SRGAP3: variants seen among roughly 807,000 people sequenced by gnomAD.
SRGAP3 encodes SLIT-ROBO Rho GTPase-activating protein 3.
A neutral mutation model predicts 121.1 loss-of-function variants in SRGAP3; 39 were observed. The observed-to-expected ratio is 0.32, with a 90% CI of 0.25 to 0.42. The LOEUF (loss-of-function observed/expected upper bound fraction) is 0.42. Ranked by LOEUF, SRGAP3 falls within the 10% of genes least tolerant of loss-of-function variation. The pLI, the probability that SRGAP3 is intolerant of heterozygous loss-of-function variation, is 1.00. For missense variants in SRGAP3, 1,213 were observed against 1,470.6 expected (o/e 0.82, Z 2.86); for synonymous variants, 601 against 570.0 (o/e 1.05, Z -0.77).
intron 3 of SRGAP3, among the ~76,000 whole-genome samples, chr3:9,082,848 C>G (rs1183122260): frequency 6.6e-6 from 1 of 152,220 alleles, no homozygotes. Context: ...ACAGCCCTTT[C>G]TCTCAGCTTC....
At chr3:9,099,991 A>G (rs1162865656) in intron 3 of SRGAP3, among the ~76,000 whole-genome samples, 8 of 152,248 alleles carry the variant, frequency 5.3e-5, no homozygotes, top group Admixed American at 2.6e-4. Context: ...GCAGCCACTC[A>G]GCTACCGCTA....
chr3:9,099,473 G>A (rs1230460599), intron 3 of SRGAP3, among the ~76,000 whole-genome samples: 1 of 152,258 alleles, frequency 6.6e-6, no homozygotes, highest in Non-Finnish European at 1.5e-5. Context: ...TTTCAGAAAC[G>A]GTTAGCGGGG....
intron 1 of SRGAP3, among the ~76,000 whole-genome samples, chr3:9,173,415 T>C (rs1253747732): frequency 6.6e-6 from 1 of 152,044 alleles, no homozygotes; most frequent in East Asian, 1.9e-4. Flanking sequence ...TACTAAGATA[T>C]GAAAAGAAGG....
intron 3 of SRGAP3, among the ~76,000 whole-genome samples, chr3:9,099,288 T>G (rs1406786194): frequency 4.7e-5 from 7 of 148,148 alleles, no homozygotes; most frequent in Non-Finnish European, 1.0e-4. Context: ...CAAAGAGTCT[T>G]TCCTCATTAG....
In SRGAP3 at chr3:9,056,242, C is replaced by A; in HGVS notation, c.1116G>T (p.Glu372Asp). The change falls in exon 8 of 22, where the codon GAG becomes GAT. Residue 372 changes from glutamate (E) to aspartate (D), a missense_variant. Physicochemically the swap from Glu to Asp is conservative, Grantham distance 45. Coordinates refer to ENST00000383836, the MANE Select transcript of SRGAP3 (RefSeq NM_014850.4). ...LQSRLATLKI[E>D]NEEVRKTLDA... ...AGAGGGGCTCACTCACCTCCTCATTCTCTATCTTGAGGGTGGCCAGTCTGG... is the reference window on the plus strand; with the variant it reads ...AGAGGGGCTCACTCACCTCCTCATTATCTATCTTGAGGGTGGCCAGTCTGG... 6.2e-7 allele frequency: 1 copy of A among 1,614,086 alleles called. No individual in the cohort carries two copies. The highest frequency in any genetic ancestry group is 1.1e-5 in the South Asian group (1 of 91,078).
intron 21 of SRGAP3, among the ~76,000 whole-genome samples, chr3:8,987,827 CTGCCATG>C (rs1354642312): frequency 1.3e-5 from 2 of 152,176 alleles, no homozygotes; most frequent in East Asian, 3.8e-4. Flanking sequence ...CTCCCCATCT[CTGCCATG>C]TGCCAGCCCT....
chr3:9,007,726 T>C (rs1437949381), intron 18 of SRGAP3: 1 of 152,134 alleles, frequency 6.6e-6, no homozygotes, highest in East Asian at 1.9e-4. Flanking sequence ...GGTGCTGTCA[T>C]TCCCATTTTA....
At chr3:9,083,685 T>A (rs889773751) in intron 3 of SRGAP3, among the ~76,000 whole-genome samples, 2 of 152,354 alleles carry the variant, frequency 1.3e-5, no homozygotes, top group East Asian at 3.9e-4. Flanking sequence ...GCTGTGAACA[T>A]CCTTGTGTGC....
intron 3 of SRGAP3, among the ~76,000 whole-genome samples, chr3:9,324,584 T>C (rs1955486132): frequency 6.6e-6 from 1 of 151,880 alleles, no homozygotes; most frequent in African/African-American, 2.4e-5. Context: ...GACTTCATTT[T>C]AGTTTGGTTT....
chr3:9,105,352 C>T (rs1948380922), intron 2 of SRGAP3, among the ~76,000 whole-genome samples: 1 of 152,170 alleles, frequency 6.6e-6, no homozygotes, highest in Non-Finnish European at 1.5e-5. Flanking sequence ...CTTTGCCCCT[C>T]CACGGAGCTG....
intron 3 of SRGAP3, among the ~76,000 whole-genome samples, chr3:9,082,347 A>G (rs757147036): frequency 6.6e-6 from 1 of 152,174 alleles, no homozygotes; most frequent in Non-Finnish European, 1.5e-5. Context: ...AGAACAGACT[A>G]ATACAATGCC....
At chr3:9,337,589 A>G (rs1955713647) in intron 1 of SRGAP3, 1 of 152,272 alleles carries the variant, frequency 6.6e-6, no homozygotes. Context: ...AGGCTTGCTT[A>G]CCATTCCCCC....
intron 5 of SRGAP3, among the ~76,000 whole-genome samples, chr3:9,064,102 G>A (rs1946306216): frequency 6.6e-6 from 1 of 152,204 alleles, no homozygotes; most frequent in Non-Finnish European, 1.5e-5. Flanking sequence ...CTTGCTGGGT[G>A]TGAATCTCGT....
intron 3 of SRGAP3, among the ~76,000 whole-genome samples, chr3:9,292,123 C>T (rs1442786488): frequency 6.6e-6 from 1 of 152,216 alleles, no homozygotes; most frequent in African/African-American, 2.4e-5. Context: ...GAATCACCTA[C>T]TGTTGCATTC....
intron 1 of SRGAP3, among the ~76,000 whole-genome samples, chr3:9,356,030 C>A (rs1164749171): frequency 6.6e-6 from 1 of 152,106 alleles, no homozygotes; most frequent in African/African-American, 2.4e-5. Context: ...CTAATCACAG[C>A]TTAAAGATCC....
At chr3:9,258,268 G>A (rs1217077168) in intron 3 of SRGAP3, among the ~76,000 whole-genome samples, 1 of 152,172 alleles carries the variant, frequency 6.6e-6, no homozygotes, top group African/African-American at 2.4e-5. Context: ...CAAACAGCTG[G>A]AGAGAACCCA....
intron 3 of SRGAP3, among the ~76,000 whole-genome samples, chr3:9,085,059 CTTGT>C (rs758701225): frequency 4.7e-4 from 72 of 152,268 alleles, no homozygotes; most frequent in Non-Finnish European, 4.3e-4. Flanking sequence ...TGTAAATGAT[CTTGT>C]TTGTTTATTT....
intron 1 of SRGAP3, among the ~76,000 whole-genome samples, chr3:9,347,136 G>A (rs1955905703): frequency 6.6e-6 from 1 of 152,038 alleles, no homozygotes; most frequent in South Asian, 2.1e-4. Context: ...GAGGCTCAAA[G>A]ACTCACTCCC....
chr3:9,250,591 G>A (rs1314188258), upstream of SRGAP3, among the ~76,000 whole-genome samples: 2 of 152,160 alleles, frequency 1.3e-5, no homozygotes, highest in African/African-American at 4.8e-5. Context: ...CTCTTGAAAA[G>A]ATCAAAGAAA....
Sources: allele counts gnomAD v4.1 joint callset (sites outside exome capture counted in the v4.1 genomes callset), GRCh38; gene constraint gnomAD v4.1.1; transcripts MANE v1.5; gene names NCBI Gene and HGNC (gene_info 2026-07-23, HGNC 2026-07-21).